Variants in TRPS1 observed in about 807,000 individuals in gnomAD.
The protein encoded by TRPS1 is transcriptional repressor GATA binding 1.
In TRPS1, 6 loss-of-function variants were observed where a neutral mutation model predicts 101.2. The observed-to-expected ratio is 0.06, with a 90% CI of 0.03 to 0.12. The LOEUF is 0.12. Among genes scored for constraint, TRPS1 ranks in the 10% least tolerant of loss-of-function variants. The pLI, the probability that TRPS1 is intolerant of heterozygous loss-of-function variation, is 1.00. For synonymous variants in TRPS1, 578 were observed against 589.8 expected, an observed-to-expected ratio of 0.98 and a Z score of 0.29; for missense variants, 1,363 against 1,567.0, an observed-to-expected ratio of 0.87 and a Z score of 2.20.
intron 5 of TRPS1, among the ~76,000 whole-genome samples, chr8:115,574,756 C>A (rs1479131396): frequency 8.5e-6 from 1 of 117,050 alleles, no homozygotes; most frequent in African/African-American, 3.6e-5. Flanking sequence ...ATATATATAA[C>A]TTTATAAGTG....
At chr8:115,415,119 C>T (rs1054235381) in intron 6 of TRPS1, 35 bp from the exon 7 acceptor site, 1 of 1,569,210 alleles carries the variant, frequency 6.4e-7, no homozygotes, top group Non-Finnish European at 8.6e-7. Context: ...AAAAGGAAAA[C>T]ATTAAAAAAT....
At chr8:115,598,630 C>T (rs1480664013) in intron 4 of TRPS1, among the ~76,000 whole-genome samples, 2 of 152,130 alleles carry the variant, frequency 1.3e-5, no homozygotes, top group African/African-American at 4.8e-5. Flanking sequence ...ACTACATAAA[C>T]AAGACAGGCA....
In TRPS1 at chr8:115,410,153, C is replaced by G. The variant is rs953905017; in HGVS notation, c.*3870G>C. ...CCGGTCACTTTGTGATGTTTTGCAG[C>G]CACACAACAGGAGGCTAATAATTAT... On this transcript the variant is annotated 3_prime_UTR_variant, in exon 7 of 7. Transcript: ENST00000395715. 1 of 152,014 alleles carries G rather than the reference C, an allele frequency of 6.6e-6. No homozygotes were observed. Among genetic ancestry groups the G allele is most frequent in the Non-Finnish European group, 1.5e-5 (1 of 67,984 alleles). 9.4% of individuals were successfully genotyped at this position (152,014 alleles called of 1,614,324 possible). A position where few individuals can be genotyped will look rare whatever the true frequency, so the allele number is the denominator to read the frequency against.
At chr8:115,438,744 G>T (rs1391749298) in intron 5 of TRPS1, among the ~76,000 whole-genome samples, 1 of 151,772 alleles carries the variant, frequency 6.6e-6, no homozygotes, top group Non-Finnish European at 1.5e-5. Flanking sequence ...TGCCCCTCCT[G>T]CCTTCCTTCT....
Position 115,614,608 on chromosome 8 carries a change from C to G in TRPS1, c.966+4524G>C, listed in dbSNP as rs147621413. On this transcript the variant is annotated intron_variant, in intron 3 of 6. Transcript: ENST00000395715. The stretch of plus-strand genomic sequence containing the variant: ...TTATTACTTGTTAAGGAGACACAGT[C>G]CTGAAAAAGAAGTGTGGGTTCATAT... Among the ~76,000 whole-genome samples, 791 of 152,272 alleles carry G rather than the reference C, an allele frequency of 5.2e-3. 3 individuals are homozygous for G. The highest frequency in any genetic ancestry group is 0.018 in the African/African-American group (755 of 41,570).
chr8:115,583,528 T>C (rs189366585), intron 5 of TRPS1, among the ~76,000 whole-genome samples: 46 of 152,240 alleles, frequency 3.0e-4, no homozygotes, highest in African/African-American at 1.1e-3. Flanking sequence ...AGATCTATTC[T>C]AGAAATGTTA....
Position 115,536,322 on chromosome 8 carries a change from C to T in TRPS1, c.2700+50679G>A, listed in dbSNP as rs190059105. 3.5e-3 allele frequency among the ~76,000 whole-genome samples: 525 copies of T among 152,054 alleles called. 4 individuals are homozygous for T. The highest frequency in any genetic ancestry group is 7.9e-3 in the Admixed American group (120 of 15,268). On this transcript the variant is annotated intron_variant, in intron 5 of 6. Transcript: ENST00000395715. ...GATCAGGAGGTCAGGAGATTGAGATCATCCTGGCTAACATGGTGAAACCCC... is the reference window on the plus strand; with the variant it reads ...GATCAGGAGGTCAGGAGATTGAGATTATCCTGGCTAACATGGTGAAACCCC...
chr8:115,631,180 G>A (rs916677867), intron 1 of TRPS1, among the ~76,000 whole-genome samples: 7 of 152,122 alleles, frequency 4.6e-5, no homozygotes, highest in African/African-American at 1.7e-4. Context: ...CTTCTCCACT[G>A]TCATGTGGCA....
At chr8:115,603,778 T>A in intron 4 of TRPS1, 95 bp downstream of exon 4, 6 of 1,437,120 alleles carry the variant, frequency 4.2e-6, no homozygotes, top group Non-Finnish European at 5.7e-6. Flanking sequence ...GTCATTGGAA[T>A]CACTCTCAAC....
intron 5 of TRPS1, among the ~76,000 whole-genome samples, chr8:115,556,199 T>C (rs1475361575): frequency 6.6e-6 from 1 of 152,172 alleles, no homozygotes; most frequent in Non-Finnish European, 1.5e-5. Context: ...TGGCAATTAT[T>C]GCTTCCCCCT....
intron 1 of TRPS1, among the ~76,000 whole-genome samples, chr8:115,667,340 C>A (rs1161170192): frequency 2.0e-5 from 3 of 152,188 alleles, no homozygotes; most frequent in African/African-American, 7.2e-5. Flanking sequence ...CAGCTCCCAC[C>A]GCCGCCTCAC....
intron 5 of TRPS1, among the ~76,000 whole-genome samples, chr8:115,527,528 G>A (rs1816028252): frequency 6.6e-6 from 1 of 151,844 alleles, no homozygotes; most frequent in South Asian, 2.1e-4. Flanking sequence ...AAAAAATTCA[G>A]TGGCAGGATT....
chr8:115,435,466 T>C (rs1399467426), intron 5 of TRPS1, among the ~76,000 whole-genome samples: 1 of 152,116 alleles, frequency 6.6e-6, no homozygotes, highest in Non-Finnish European at 1.5e-5. Context: ...CCTTTACTGC[T>C]GGATGGCAGC....
chr8:115,651,051 G>C (rs1472371776), intron 1 of TRPS1, among the ~76,000 whole-genome samples: 1 of 152,154 alleles, frequency 6.6e-6, no homozygotes, highest in Non-Finnish European at 1.5e-5. Flanking sequence ...AAACATGGAC[G>C]TTAAAAAGGC....
At chr8:115,507,335 GT>G (rs1815471390) in intron 5 of TRPS1, among the ~76,000 whole-genome samples, 2 of 152,114 alleles carry the variant, frequency 1.3e-5, no homozygotes, top group African/African-American at 4.8e-5. Flanking sequence ...ACCATTCAGG[GT>G]CCCCAAACAG....
At chr8:115,650,124 A>G (rs1811526922) in intron 1 of TRPS1, among the ~76,000 whole-genome samples, 1 of 152,248 alleles carries the variant, frequency 6.6e-6, no homozygotes, top group South Asian at 2.1e-4. Context: ...GTGGAAAAGT[A>G]CAGAGGATTT....
At chr8:115,460,564 T>C (rs187090899) in intron 5 of TRPS1, among the ~76,000 whole-genome samples, 384 of 152,264 alleles carry the variant, frequency 2.5e-3, no homozygotes, top group Non-Finnish European at 3.9e-3. Flanking sequence ...AAAATAATTT[T>C]AGGGCAAAAT....
chr8:115,562,926 G>GTGGT (rs58255501), intron 5 of TRPS1, among the ~76,000 whole-genome samples: 1 of 138,592 alleles, frequency 7.2e-6, no homozygotes. Context: ...GTGTGTGTGT[G>GTGGT]GTGTTCCTCT....
At chr8:115,533,091 A>G (rs1487987697) in intron 5 of TRPS1, among the ~76,000 whole-genome samples, 1 of 152,180 alleles carries the variant, frequency 6.6e-6, no homozygotes, top group South Asian at 2.1e-4. Context: ...CTGCACTTTA[A>G]CTTCTATAGG....
Sources: gnomAD v4.1 joint callset for allele counts (sites outside exome capture counted in the v4.1 genomes callset) on GRCh38, gnomAD v4.1.1 for gene constraint, MANE v1.5 for transcripts, NCBI Gene and HGNC (gene_info 2026-07-23, HGNC 2026-07-21) for gene names.